Variants in DSCAML1 observed in about 807,000 individuals in gnomAD.
DSCAML1 encodes DS cell adhesion molecule like 1, also known as cell adhesion molecule DSCAML1.
In DSCAML1, 38 loss-of-function variants were observed where a neutral mutation model predicts 200.5. The ratio of observed to expected loss-of-function variants is 0.19; its 90% CI spans 0.15 to 0.25. The LOEUF is 0.25. Among genes scored for constraint, DSCAML1 ranks in the 10% least tolerant of loss-of-function variants. The probability of loss-of-function intolerance (pLI) is 1.00; values close to 1 mark genes in which losing one functional copy is unlikely to be tolerated. For missense variants in DSCAML1, 2,223 were observed against 2,858.8 expected, an observed-to-expected ratio of 0.78 and a Z score of 5.07; for synonymous variants, 1,215 against 1,165.0, an observed-to-expected ratio of 1.04 and a Z score of -0.87.
intron 3 of DSCAML1, among the ~76,000 whole-genome samples, chr11:117,734,031 T>C (rs1028055855): frequency 1.3e-5 from 2 of 151,784 alleles, no homozygotes; most frequent in African/African-American, 2.4e-5. Context: ...ATTGCATGCA[T>C]GTAAGCATGC....
Position 117,505,829 on chromosome 11 carries a change from C to A in DSCAML1, c.1784-97G>T. The A allele has an allele frequency of 6.9e-7, 1 of 1,440,250 alleles. No individual in the cohort carries two copies. The highest frequency in any genetic ancestry group is 1.4e-5 in the South Asian group (1 of 72,462). 89.2% of individuals were successfully genotyped at this position (1,440,250 alleles called of 1,614,324 possible). On this transcript the variant is annotated intron_variant, in intron 8 of 32. Transcript: ENST00000651296. The surrounding 1 kb of genome is among the most constrained non-coding windows in gnomAD (Gnocchi z 6.7). ...GCCTTACCTGGGGCTCTGGGTTGGG[C>A]CTTGAACAAAGATCCCCTGGGGCAC...
chr11:117,633,582 C>T (rs2052218599), intron 3 of DSCAML1, among the ~76,000 whole-genome samples: 1 of 152,220 alleles, frequency 6.6e-6, no homozygotes, highest in Admixed American at 6.5e-5. Context: ...GCAATACCAA[C>T]CTCGTCTGGG....
chr11:117,598,066 A>G (rs2051396406), intron 3 of DSCAML1, among the ~76,000 whole-genome samples: 1 of 152,128 alleles, frequency 6.6e-6, no homozygotes, highest in Non-Finnish European at 1.5e-5. Flanking sequence ...ATTGTTTAAC[A>G]TTTTCCTCCA....
In DSCAML1 at chr11:117,518,042, A is replaced by G. The variant is rs973748367; in HGVS notation, c.1510+424T>C. Among the ~76,000 whole-genome samples the G allele has an allele frequency of 6.6e-5, 10 of 152,290 alleles. No homozygotes were observed. In the South Asian group the frequency reaches 8.3e-4, roughly 13 times the overall value. Reference sequence around the variant, plus strand: ...AGAGGGAGCACAGCTTGGGTGGGCAACCATGTTAAAGACCAAGCCTGGTCC... The same window carrying G: ...AGAGGGAGCACAGCTTGGGTGGGCAGCCATGTTAAAGACCAAGCCTGGTCC... On this transcript the variant is annotated intron_variant, in intron 7 of 32. Coordinates refer to ENST00000651296, the MANE Select transcript of DSCAML1 (RefSeq NM_020693.4). This position sits in a 1 kb window ranked among gnomAD's most constrained non-coding sequence, Gnocchi z 6.3.
intron 3 of DSCAML1, among the ~76,000 whole-genome samples, chr11:117,759,608 G>A (rs1041449376): frequency 1.7e-4 from 26 of 152,034 alleles, no homozygotes; most frequent in African/African-American, 6.3e-4. Flanking sequence ...GGCCTCTTGA[G>A]GCCACCCATC....
chr11:117,730,887 GA>G (rs1444881054), intron 3 of DSCAML1, among the ~76,000 whole-genome samples: 3 of 152,156 alleles, frequency 2.0e-5, no homozygotes, highest in Non-Finnish European at 4.4e-5. Flanking sequence ...TCTTCTAAGT[GA>G]AAAAAGCCGG....
intron 3 of DSCAML1, among the ~76,000 whole-genome samples, chr11:117,741,368 T>A (rs1374876590): frequency 2.6e-5 from 4 of 152,242 alleles, no homozygotes; most frequent in Non-Finnish European, 5.9e-5. Context: ...ATAAGTGCAA[T>A]CTTGAGAGCC....
chr11:117,645,974 A>G (rs1191985267), intron 3 of DSCAML1, among the ~76,000 whole-genome samples: 1 of 152,146 alleles, frequency 6.6e-6, no homozygotes, highest in African/African-American at 2.4e-5. Context: ...AGTATTAACA[A>G]ATCCTAATAA....
intron 19 of DSCAML1, among the ~76,000 whole-genome samples, chr11:117,456,245 T>C (rs1408982867): frequency 6.6e-6 from 1 of 152,158 alleles, no homozygotes; most frequent in Non-Finnish European, 1.5e-5. Flanking sequence ...GCAGCTGATA[T>C]TCAGAGGATG....
At position 117,505,511 on chromosome 11, in the gene DSCAML1, A is replaced by G. The variant is rs2049478053; in HGVS notation, c.2005T>C (p.Cys669Arg). The change falls in exon 9 of 33, where the codon TGC (cysteine) becomes CGC (arginine). Residue 669 changes from cysteine to arginine, a missense_variant. Transcript: ENST00000651296. The surrounding 1 kb of genome is among the most constrained non-coding windows in gnomAD (Gnocchi z 6.7). ...GTGGCGGCTGCGTTGCTGGCGATGC[A>G]TGTATAGTTGCCGTTGTGCTTGAGG... ...VSLKHNGNYT[C>R]IASNAAATVS... 3 of 1,613,204 alleles carry G rather than the reference A, an allele frequency of 1.9e-6. No homozygotes were observed. The highest frequency in any genetic ancestry group is 2.5e-6 in the Non-Finnish European group (3 of 1,179,980).
chr11:117,649,553 C>T (rs968360567), intron 3 of DSCAML1, among the ~76,000 whole-genome samples: 16 of 152,170 alleles, frequency 1.1e-4, no homozygotes, highest in African/African-American at 3.6e-4. Context: ...CAGGGCTTGG[C>T]TCTGCATCTC....
chr11:117,469,854 T>A lies in DSCAML1; in HGVS notation c.3024+56A>T. 1.3e-6 allele frequency: 2 copies of A among 1,506,794 alleles called. No individual in the cohort carries two copies. The highest frequency in any genetic ancestry group is 1.8e-6 in the Non-Finnish European group (2 of 1,107,576). 93.3% of individuals were successfully genotyped at this position (1,506,794 alleles called of 1,614,324 possible). On this transcript the variant is annotated intron_variant, in intron 16 of 32. Transcript: ENST00000651296. This position sits in a 1 kb window ranked among gnomAD's most constrained non-coding sequence, Gnocchi z 4.1. ...GCCTGCTGGGAGCTTTCGTCCTGGA[T>A]TGAGGAGAGAGGAGGCAAGCAGACA...
At chr11:117,785,090 G>T (rs1749017325) in intron 1 of DSCAML1, among the ~76,000 whole-genome samples, 1 of 152,162 alleles carries the variant, frequency 6.6e-6, no homozygotes, top group Non-Finnish European at 1.5e-5. Flanking sequence ...GACATTCATT[G>T]CCTCAGGAGA....
At chr11:117,705,462 T>C (rs2053743625) in intron 3 of DSCAML1, among the ~76,000 whole-genome samples, 1 of 152,236 alleles carries the variant, frequency 6.6e-6, no homozygotes. Context: ...TCTTCTCACC[T>C]CCATCATCTC....
At chr11:117,451,308 C>T (rs746412377) in intron 19 of DSCAML1, among the ~76,000 whole-genome samples, 3 of 152,254 alleles carry the variant, frequency 2.0e-5, no homozygotes, top group African/African-American at 7.2e-5. Flanking sequence ...CCCCAGGACT[C>T]TGCCTGGGAG....
chr11:117,524,392 G>T (rs1192457299), intron 5 of DSCAML1, among the ~76,000 whole-genome samples: 1 of 152,216 alleles, frequency 6.6e-6, no homozygotes, highest in Non-Finnish European at 1.5e-5. Context: ...TGGATTGACA[G>T]CTGCCTTGCT....
chr11:117,613,405 A>T (rs919087819), intron 3 of DSCAML1, among the ~76,000 whole-genome samples: 1 of 152,148 alleles, frequency 6.6e-6, no homozygotes, highest in African/African-American at 2.4e-5. Context: ...TAAAGGGGAA[A>T]GGTGAAGGGG....
At chr11:117,499,632 C>A (rs1444164718) in intron 11 of DSCAML1, among the ~76,000 whole-genome samples, 2 of 152,208 alleles carry the variant, frequency 1.3e-5, no homozygotes, top group African/African-American at 2.4e-5. Flanking sequence ...TATTGCCTAC[C>A]AACCTCACAA....
chr11:117,438,798 A>C, intron 24 of DSCAML1, 87 bp downstream of exon 24: 1 of 1,207,988 alleles, frequency 8.3e-7, no homozygotes, highest in African/African-American at 1.6e-5. Flanking sequence ...ATTTGGAGAC[A>C]AATGGCAGAA....
Sources: gnomAD v4.1 joint callset for allele counts (sites outside exome capture counted in the v4.1 genomes callset) on GRCh38, gnomAD v4.1.1 for gene constraint, Gnocchi (gnomAD v3.1) non-coding constraint, MANE v1.5 for transcripts, NCBI Gene and HGNC (gene_info 2026-07-23, HGNC 2026-07-21) for gene names.